SLC30A7: variants seen among roughly 807,000 people sequenced by gnomAD.
The protein encoded by SLC30A7 is solute carrier family 30 member 7.
A neutral mutation model predicts 46.0 loss-of-function variants in SLC30A7; 35 were observed. The observed-to-expected ratio is 0.76, with a 90% CI of 0.58 to 1.01. The LOEUF is 1.01. Ranked by LOEUF, SLC30A7 falls within the 50% of genes least tolerant of loss-of-function variation. The pLI, the probability that SLC30A7 is intolerant of heterozygous loss-of-function variation, is 0.00. For synonymous variants in SLC30A7, 147 were observed against 157.8 expected (o/e 0.93, Z 0.51); for missense variants, 464 against 451.1 (o/e 1.03, Z -0.26).
chr1:100,915,180 T>TTCTTTCCCTCCCTCCATTCCTCCC (rs1452432960), intron 6 of SLC30A7, among the ~76,000 whole-genome samples: 1 of 132,972 alleles, frequency 7.5e-6, no homozygotes, highest in African/African-American at 2.7e-5. Flanking sequence ...TCTTTTTTCT[T>TTCTTTCCCTCCCTCCATTCCTCCC]TTCTTTTCTT....
chr1:100,943,815 ATAT>A (rs1311833359), intron 8 of SLC30A7, among the ~76,000 whole-genome samples: 1 of 152,230 alleles, frequency 6.6e-6, no homozygotes, highest in Non-Finnish European at 1.5e-5. Flanking sequence ...ATTTTCAAGA[ATAT>A]TATTAAGAAA....
intron 8 of SLC30A7, chr1:100,940,887 GTCT>G (rs1441589718): frequency 6.4e-6 from 2 of 312,702 alleles, no homozygotes; most frequent in Admixed American, 4.1e-5. Flanking sequence ...TCTAAAACAT[GTCT>G]TCTTTGTAGC....
intron 2 of SLC30A7, among the ~76,000 whole-genome samples, chr1:100,898,268 G>A (rs1231234054): frequency 2.0e-5 from 3 of 152,106 alleles, no homozygotes; most frequent in Non-Finnish European, 4.4e-5. Context: ...ATTCACACTT[G>A]AAGTTCCTAA....
Position 100,979,622 on chromosome 1 carries a change from GTTAT to G in SLC30A7, c.*4767_*4770del. 6.6e-6 allele frequency: 1 copy of G among 152,148 alleles called. No homozygotes were observed. Among genetic ancestry groups the G allele is most frequent in the East Asian group, 1.9e-4 (1 of 5,182 alleles). 9.4% of individuals were successfully genotyped at this position (152,148 alleles called of 1,614,324 possible). A position where few individuals can be genotyped will look rare whatever the true frequency, so the allele number is the denominator to read the frequency against. ...GCCAGGCGGTTAGTGTGGCCTTCATGTTATTACATTTAATCCTCAAATTTCTACA... is the reference window on the plus strand; with the variant it reads ...GCCAGGCGGTTAGTGTGGCCTTCATGTACATTTAATCCTCAAATTTCTACA... On this transcript the variant is annotated 3_prime_UTR_variant, in exon 11 of 11. Transcript: ENST00000357650.
chr1:100,934,697 T>G (rs1229289273), intron 8 of SLC30A7, among the ~76,000 whole-genome samples: 2 of 150,598 alleles, frequency 1.3e-5, no homozygotes, highest in East Asian at 3.9e-4. Flanking sequence ...TATATATAAA[T>G]GTATGTAGGA....
chr1:100,909,137 T>G (rs116126950), intron 3 of SLC30A7, among the ~76,000 whole-genome samples: 236 of 152,182 alleles, frequency 1.6e-3, no homozygotes, highest in African/African-American at 5.4e-3. Flanking sequence ...ATAATTGGTA[T>G]AGTAATAAGT....
chr1:100,962,029 G>A, intron 9 of SLC30A7, 111 bp downstream of exon 9: 1 of 576,798 alleles, frequency 1.7e-6, no homozygotes, highest in South Asian at 2.9e-5. Context: ...TTTCTTCCAA[G>A]ATTGAATGCT....
intron 8 of SLC30A7, among the ~76,000 whole-genome samples, chr1:100,936,361 C>T (rs532266543): frequency 6.6e-6 from 1 of 152,202 alleles, no homozygotes; most frequent in Admixed American, 6.5e-5. Context: ...TGGGTATCCC[C>T]AAGGGTATTT....
At chr1:100,947,603 A>G (rs191403192) in intron 8 of SLC30A7, among the ~76,000 whole-genome samples, 1 of 152,342 alleles carries the variant, frequency 6.6e-6, no homozygotes, top group Admixed American at 6.5e-5. Context: ...AGTCCTGGAC[A>G]TCCTTGTTAA....
intron 8 of SLC30A7, among the ~76,000 whole-genome samples, chr1:100,930,672 A>C (rs777340758): frequency 2.0e-5 from 3 of 152,000 alleles, no homozygotes; most frequent in Non-Finnish European, 4.4e-5. Context: ...TTCCCTAACA[A>C]TTTCCTTTGT....
intron 9 of SLC30A7, among the ~76,000 whole-genome samples, chr1:100,963,369 T>A (rs1446098354): frequency 1.3e-5 from 2 of 152,156 alleles, no homozygotes; most frequent in Non-Finnish European, 2.9e-5. Flanking sequence ...GTTGAATATT[T>A]CTGTGGGGTC....
In SLC30A7 at chr1:100,896,672, G is replaced by C. The variant is rs1262548105; in HGVS notation, c.182+1G>C. 1 of 1,613,270 alleles carries C rather than the reference G, an allele frequency of 6.2e-7. No individual in the cohort carries two copies. Among genetic ancestry groups the C allele is most frequent in the Non-Finnish European group, 8.5e-7 (1 of 1,179,344 alleles). ...TACTCTACGGCATCTGGAGCAACTGGTAACCAAAGGGGAAAATGGTTTGGG... is the reference window on the plus strand; with the variant it reads ...TACTCTACGGCATCTGGAGCAACTGCTAACCAAAGGGGAAAATGGTTTGGG... On this transcript the variant is annotated splice_donor_variant, in intron 2 of 10. Transcript: ENST00000357650. LOFTEE classifies it high-confidence loss of function.
chr1:100,990,158 A>C, the SLC30A7 span: 4 of 473,238 alleles, frequency 8.5e-6, no homozygotes, highest in African/African-American at 7.9e-5. Flanking sequence ...ACCTCTTCAC[A>C]GGGCGGCAAG....
chr1:100,995,213 A>G, the SLC30A7 span: 1 of 1,157,944 alleles, frequency 8.6e-7, no homozygotes, highest in Admixed American at 1.9e-5. Flanking sequence ...CCTATGTGTA[A>G]ACCTCAGTTA....
chr1:100,926,058 A>G (rs1382287791), intron 8 of SLC30A7, among the ~76,000 whole-genome samples: 3 of 152,182 alleles, frequency 2.0e-5, no homozygotes, highest in African/African-American at 7.2e-5. Context: ...AACCACAACC[A>G]GTCAACTACA....
chr1:100,990,138 G>A, the SLC30A7 span: 9 of 418,716 alleles, frequency 2.1e-5, no homozygotes, highest in African/African-American at 8.1e-5. Flanking sequence ...TAACAATCAC[G>A]GTGGAAGGCA....
At chr1:100,923,106 C>T (rs1217705283) in intron 8 of SLC30A7, among the ~76,000 whole-genome samples, 1 of 135,828 alleles carries the variant, frequency 7.4e-6, no homozygotes, top group African/African-American at 2.8e-5. Context: ...GGCTCCGCCC[C>T]CTGGGGTTCA....
At chr1:100,934,643 A>C (rs1288239669) in intron 8 of SLC30A7, among the ~76,000 whole-genome samples, 1 of 150,852 alleles carries the variant, frequency 6.6e-6, no homozygotes, top group Admixed American at 6.6e-5. Flanking sequence ...GGATACACAT[A>C]GATTATCTGT....
intron 8 of SLC30A7, among the ~76,000 whole-genome samples, chr1:100,932,371 C>T (rs1420613868): frequency 6.6e-6 from 1 of 152,128 alleles, no homozygotes; most frequent in Admixed American, 6.5e-5. Flanking sequence ...GCCGAGATTG[C>T]GCCACTGCAC....
Sources: gnomAD v4.1 joint callset for allele counts (sites outside exome capture counted in the v4.1 genomes callset) on GRCh38, gnomAD v4.1.1 for gene constraint, MANE v1.5 for transcripts, NCBI Gene and HGNC (gene_info 2026-07-23, HGNC 2026-07-21) for gene names.